The following PDZRN4 variants were observed in gnomAD, a reference collection of about 807,000 sequenced individuals.
PDZRN4 encodes the protein PDZ domain containing ring finger 4.
A neutral mutation model predicts 99.0 loss-of-function variants in PDZRN4; 70 were observed. That is an observed-to-expected ratio of 0.71 (90% confidence interval 0.58 to 0.86). The LOEUF (loss-of-function observed/expected upper bound fraction) is 0.86, where lower values mean the gene tolerates loss of function less well. Among genes scored for constraint, PDZRN4 ranks in the 40% least tolerant of loss-of-function variants. The pLI is 0.00. For missense variants in PDZRN4, 1,474 were observed against 1,331.2 expected (o/e 1.11, Z -1.67); for synonymous variants, 551 against 501.6 (o/e 1.10, Z -1.32).
At chr12:41,304,524 A>G (rs1397200120) in intron 3 of PDZRN4, among the ~76,000 whole-genome samples, 1 of 152,136 alleles carries the variant, frequency 6.6e-6, no homozygotes, top group Admixed American at 6.5e-5. Context: ...TTTTGTTTGT[A>G]CTTCAGCCTT....
At chr12:41,512,949 G>T (rs964854057) in intron 5 of PDZRN4, among the ~76,000 whole-genome samples, 2 of 152,058 alleles carry the variant, frequency 1.3e-5, no homozygotes, top group African/African-American at 2.4e-5. Context: ...CACTTTAAAA[G>T]AAATAGCTTC....
At chr12:41,305,475 T>C (rs1312118277) in intron 3 of PDZRN4, among the ~76,000 whole-genome samples, 2 of 152,200 alleles carry the variant, frequency 1.3e-5, no homozygotes, top group African/African-American at 4.8e-5. Context: ...CTCACAATGC[T>C]GGAGGTAGGG....
intron 5 of PDZRN4, among the ~76,000 whole-genome samples, chr12:41,531,472 C>T (rs1938660823): frequency 6.6e-6 from 1 of 152,188 alleles, no homozygotes; most frequent in Non-Finnish European, 1.5e-5. Flanking sequence ...TCTGCTCCTC[C>T]TGAGGTCCAG....
At chr12:41,439,478 A>G (rs1343581222) in intron 3 of PDZRN4, among the ~76,000 whole-genome samples, 1 of 152,166 alleles carries the variant, frequency 6.6e-6, no homozygotes, top group Non-Finnish European at 1.5e-5. Flanking sequence ...ATAAAAGTAT[A>G]ATATGGAGAG....
At chr12:41,333,087 C>A (rs1398322576) in intron 3 of PDZRN4, among the ~76,000 whole-genome samples, 2 of 152,080 alleles carry the variant, frequency 1.3e-5, no homozygotes, top group Non-Finnish European at 2.9e-5. Context: ...GACCTCAAAG[C>A]CTGCACCTGT....
At chr12:41,197,179 A>T (rs1950778908) in intron 3 of PDZRN4, among the ~76,000 whole-genome samples, 1 of 152,142 alleles carries the variant, frequency 6.6e-6, no homozygotes, top group Admixed American at 6.5e-5. Flanking sequence ...AAAAAATAAT[A>T]AAATTTTCCA....
At chr12:41,447,548 T>C (rs547723315) in intron 3 of PDZRN4, among the ~76,000 whole-genome samples, 9 of 152,238 alleles carry the variant, frequency 5.9e-5, no homozygotes, top group Admixed American at 2.6e-4. Context: ...TTTTTGAGGA[T>C]TAAATGACAC....
chr12:41,292,073 A>G (rs1039300250), intron 3 of PDZRN4, among the ~76,000 whole-genome samples: 1 of 152,232 alleles, frequency 6.6e-6, no homozygotes, highest in Admixed American at 6.5e-5. Flanking sequence ...CACAAGCAAC[A>G]AACAAAGCAT....
At chr12:41,478,417 G>T (rs1387542987) in intron 3 of PDZRN4, among the ~76,000 whole-genome samples, 1 of 152,102 alleles carries the variant, frequency 6.6e-6, no homozygotes, top group African/African-American at 2.4e-5. Context: ...CACCCAGCCT[G>T]TAAAATTAAA....
At chr12:41,395,329 A>AAAATGGGAG (rs1952239114) in intron 3 of PDZRN4, among the ~76,000 whole-genome samples, 1 of 152,214 alleles carries the variant, frequency 6.6e-6, no homozygotes, top group Non-Finnish European at 1.5e-5. Context: ...TTCCTGTTTA[A>AAAATGGGAG]AAATGGGAGA....
chr12:41,428,152 C>CTTT (rs1211653359), intron 3 of PDZRN4, among the ~76,000 whole-genome samples: 1 of 152,172 alleles, frequency 6.6e-6, no homozygotes, highest in Non-Finnish European at 1.5e-5. Flanking sequence ...TACCTGCCTA[C>CTTT]TTTTTTTGAT....
intron 3 of PDZRN4, among the ~76,000 whole-genome samples, chr12:41,307,212 C>A (rs997408426): frequency 1.3e-5 from 2 of 151,994 alleles, no homozygotes; most frequent in Non-Finnish European, 2.9e-5. Flanking sequence ...GACTAGGTAG[C>A]CTAAACAAAA....
At chr12:41,344,113 A>C (rs990049691) in intron 3 of PDZRN4, among the ~76,000 whole-genome samples, 9 of 152,116 alleles carry the variant, frequency 5.9e-5, no homozygotes, top group Admixed American at 1.3e-4. Flanking sequence ...TAGAATCTAT[A>C]CTGGTGATCA....
intron 3 of PDZRN4, among the ~76,000 whole-genome samples, chr12:41,450,540 A>G (rs1598894): frequency 0.51 from 77,450 of 152,040 alleles, 20,211 homozygotes; most frequent in African/African-American, 0.64. Context: ...GAGGAAAGAT[A>G]TCTTTACTGT....
At chr12:41,194,980 C>G (rs1295215477) in intron 3 of PDZRN4, among the ~76,000 whole-genome samples, 1 of 152,022 alleles carries the variant, frequency 6.6e-6, no homozygotes, top group East Asian at 1.9e-4. Flanking sequence ...TTGTTCCTGT[C>G]ATTATCTTTT....
At chr12:41,528,604 A>G (rs1938610976) in intron 5 of PDZRN4, among the ~76,000 whole-genome samples, 1 of 152,184 alleles carries the variant, frequency 6.6e-6, no homozygotes, top group African/African-American at 2.4e-5. Context: ...GACAAACTCT[A>G]ATTACGGCAG....
intron 3 of PDZRN4, among the ~76,000 whole-genome samples, chr12:41,244,115 C>T (rs903893416): frequency 3.9e-5 from 6 of 152,176 alleles, no homozygotes; most frequent in East Asian, 1.9e-4. Flanking sequence ...AAATTCCCCA[C>T]GTCTCAAACT....
chr12:41,474,201 A>G (rs1817544709), intron 3 of PDZRN4, among the ~76,000 whole-genome samples: 1 of 152,238 alleles, frequency 6.6e-6, no homozygotes. Flanking sequence ...GCCACCACAT[A>G]CTGAGTATGT....
chr12:41,209,796 G>T (rs1001720099), intron 3 of PDZRN4, among the ~76,000 whole-genome samples: 2 of 148,774 alleles, frequency 1.3e-5, no homozygotes, highest in East Asian at 2.0e-4. Flanking sequence ...GAATAGTGCT[G>T]CAATAAACAT....
Sources: gnomAD v4.1 joint callset for allele counts (sites outside exome capture counted in the v4.1 genomes callset) on GRCh38, gnomAD v4.1.1 for gene constraint, MANE v1.5 for transcripts, NCBI Gene and HGNC (gene_info 2026-07-23, HGNC 2026-07-21) for gene names.